The following ZNF468 variants were observed in gnomAD, a reference collection of about 807,000 sequenced individuals.
ZNF468 encodes the protein zinc finger protein 468.
A neutral mutation model predicts 7.2 loss-of-function variants in ZNF468; 8 were observed. That is an observed-to-expected ratio of 1.11 (90% confidence interval 0.65 to 2.01). ZNF468 has a LOEUF of 2.01. ZNF468 is among the 30% of genes most tolerant of loss of function. The pLI, the probability that ZNF468 is intolerant of heterozygous loss-of-function variation, is 0.00. For synonymous variants in ZNF468, 218 were observed against 214.4 expected, an observed-to-expected ratio of 1.02 and a Z score of -0.15; for missense variants, 608 against 626.5, an observed-to-expected ratio of 0.97 and a Z score of 0.31.
chr19:52,848,083 CT>C (rs1289831225), intron 3 of ZNF468, among the ~76,000 whole-genome samples: 1 of 152,194 alleles, frequency 6.6e-6, no homozygotes, highest in African/African-American at 2.4e-5. Context: ...TTAAACTTTC[CT>C]TTTCCCACAG....
rs2063294830 is a variant in ZNF468, at chr19:52,841,169, T to TG, written c.1124_1125insC (p.Arg375SerfsTer12). 6.2e-7 allele frequency: 1 copy of TG among 1,611,516 alleles called. No homozygotes were observed. Among genetic ancestry groups the TG allele is most frequent in the African/African-American group, 1.3e-5 (1 of 74,118 alleles). On this transcript the variant is annotated frameshift_variant, in exon 4 of 4. Transcript: ENST00000595646. LOFTEE classifies it low-confidence loss of function (END_TRUNC). ...TGTAAGGTTTCTCTCCAGTATGAAG[T>TG]CTATGATGGCGTGCAAGGGTTGATA...
chr19:52,840,786 G>T lies in ZNF468; in HGVS notation c.1508C>A (p.Thr503Asn). The change falls in exon 4 of 4, where the codon ACC (threonine) becomes AAC (asparagine). Residue 503 changes from threonine to asparagine, a missense_variant. Thr to Asn is a moderately conservative substitution (Grantham distance 65). Transcript: ENST00000595646. ...TACAAGGGATGACATCTGACTGAAG[G>T]TCTTGCCACACTCATTACACTTGTA... ...KPYKCNECGK[T>N]FSQMSSLVYH... The T allele has an allele frequency of 6.2e-7, 1 of 1,608,804 alleles. No individual in the cohort carries two copies. Among genetic ancestry groups the T allele is most frequent in the Non-Finnish European group, 8.5e-7 (1 of 1,177,750 alleles).
intron 3 of ZNF468, among the ~76,000 whole-genome samples, chr19:52,844,621 C>A (rs1466340954): frequency 2.6e-5 from 4 of 152,104 alleles, no homozygotes; most frequent in African/African-American, 9.7e-5. Context: ...TCACTGCAAC[C>A]TCCACCTCCA....
chr19:52,856,460 T>C (rs61502026), intron 1 of ZNF468, among the ~76,000 whole-genome samples: 44,976 of 105,746 alleles, frequency 0.43, 8,811 homozygotes, highest in Admixed American at 0.51. Context: ...CATAGATTTC[T>C]GCCTCTTCTC....
intron 2 of ZNF468, chr19:52,849,467 C>A (rs2063366819): frequency 1.3e-6 from 1 of 765,810 alleles, no homozygotes. Context: ...AATAAAAAAT[C>A]AATGTAGGGT....
chr19:52,841,526 T>C lies in ZNF468; in HGVS notation c.768A>G (p.Arg256=), dbSNP rs1289163809. Residue 256 remains arginine, a synonymous_variant, in exon 4 of 4, where the codon CGA becomes CGG. Coordinates refer to ENST00000595646, the MANE Select transcript of ZNF468 (RefSeq NM_001008801.2). ...GACATCTACGATGGCAGGCAAGGTATCGCTTCTGATTAAAGACCTTGCCAC... is the reference window on the plus strand; with the variant it reads ...GACATCTACGATGGCAGGCAAGGTACCGCTTCTGATTAAAGACCTTGCCAC... ...DVCGKVFNQK[R]YLACHRRCHT... is the part of the protein sequence containing the mutation. 2.5e-6 allele frequency: 4 copies of C among 1,614,148 alleles called. No homozygotes were observed. The highest frequency in any genetic ancestry group is 3.4e-6 in the Non-Finnish European group (4 of 1,180,022).
chr19:52,842,521 T>A (rs2063312976), intron 3 of ZNF468, among the ~76,000 whole-genome samples: 1 of 151,728 alleles, frequency 6.6e-6, no homozygotes, highest in African/African-American at 2.4e-5. Context: ...GTATTTAGGG[T>A]ATACAAATAA....
Position 52,842,147 on chromosome 19 carries a change from G to C in ZNF468, c.147C>G (p.Ile49Met), listed in dbSNP as rs932793720. 1 of 1,582,300 alleles carries C rather than the reference G, an allele frequency of 6.3e-7. No homozygotes were observed. Among genetic ancestry groups the C allele is most frequent in the African/African-American group, 1.4e-5 (1 of 73,640 alleles). ...ENYRNLVSLDISSKCMLKTLS... is the reference protein window; with the variant it reads ...ENYRNLVSLDMSSKCMLKTLS... The stretch of plus-strand genomic sequence containing the variant: ...ACGTCTTCAACATGCATTTGGAAGA[G>C]ATATCTACAAAATTTAAACACCAAT... Residue 49 changes from isoleucine (I) to methionine (M), a missense_variant, in exon 4 of 4, where the codon ATC (isoleucine) becomes ATG (methionine). Transcript: ENST00000595646.
rs766349454 is a variant in ZNF468, at chr19:52,841,770, G to C, written c.524C>G (p.Ser175Ter). The change falls in exon 4 of 4, where the codon TCA becomes TGA. Residue 175 changes from serine (S) to a stop codon, truncating the protein, a stop_gained. Coordinates refer to ENST00000595646, the MANE Select transcript of ZNF468 (RefSeq NM_001008801.2). LOFTEE classifies it low-confidence loss of function (END_TRUNC). ...CCTACAACAAATTCTTTGGGATGTT[G>C]AAACTGAGGAAGCATTGTTGATAGA... ...EKSINNASSV[S>*]TSQRICCRPK... is the part of the protein sequence containing the mutation. The C allele has an allele frequency of 1.9e-6, 3 of 1,614,058 alleles. No homozygotes were observed. In the Admixed American group the frequency reaches 5.0e-5, roughly 27 times the overall value.
Position 52,841,019 on chromosome 19 carries a change from G to A in ZNF468, c.1275C>T (p.Asn425=). ...ECCKVFSRKS[N]LERHRRIHTG... ...TATGAATCCTCCTGTGTCTTTCCAGGTTTGATTTGCGACTGAAAACTTTGC... is the reference window on the plus strand; with the variant it reads ...TATGAATCCTCCTGTGTCTTTCCAGATTTGATTTGCGACTGAAAACTTTGC... The change falls in exon 4 of 4, where the codon AAC becomes AAT. Residue 425 remains asparagine, a synonymous_variant. Transcript: ENST00000595646. 1 of 1,612,984 alleles carries A rather than the reference G, an allele frequency of 6.2e-7. No homozygotes were observed. Among genetic ancestry groups the A allele is most frequent in the Non-Finnish European group, 8.5e-7 (1 of 1,179,342 alleles).
intron 3 of ZNF468, among the ~76,000 whole-genome samples, chr19:52,848,377 C>T (rs1256165425): frequency 6.6e-6 from 1 of 152,138 alleles, no homozygotes; most frequent in Non-Finnish European, 1.5e-5. Flanking sequence ...GAAGACATTA[C>T]CAAAGGATCT....
chr19:52,855,787 C>A lies in ZNF468; in HGVS notation c.-73-1442G>T, dbSNP rs527799213. ...GAAAAAAAGCCACACCCAGACACCGCCTCTATTTTGCCAATCATTTCAGGG... is the reference window on the plus strand; with the variant it reads ...GAAAAAAAGCCACACCCAGACACCGACTCTATTTTGCCAATCATTTCAGGG... On this transcript the variant is annotated intron_variant, in intron 1 of 3. Coordinates refer to ENST00000595646, the MANE Select transcript of ZNF468 (RefSeq NM_001008801.2). 8.5e-5 allele frequency among the ~76,000 whole-genome samples: 13 copies of A among 152,328 alleles called. No individual in the cohort carries two copies. In the East Asian group the frequency reaches 1.5e-3, roughly 18 times the overall value.
rs1446244459 is a variant in ZNF468 at position 52,841,142 on chromosome 19, T to A, written c.1152A>T (p.Lys384Asn). ...TGAAAACTTTGTCACACTCTTCACA[T>A]TTGTAAGGTTTCTCTCCAGTATGAA... ...HRLHTGEKPY[K>N]CEECDKVFSR... Residue 384 changes from lysine (K) to asparagine (N), a missense_variant, in exon 4 of 4, where the codon AAA becomes AAT. Physicochemically the swap from Lys to Asn is moderately conservative, Grantham distance 94 (BLOSUM62 0). Transcript: ENST00000595646. The A allele has an allele frequency of 6.2e-7, 1 of 1,613,278 alleles. No homozygotes were observed. The highest frequency in any genetic ancestry group is 8.5e-7 in the Non-Finnish European group (1 of 1,179,750).
In ZNF468 at chr19:52,841,799, C is replaced by G. The variant is rs368886195; in HGVS notation, c.495G>C (p.Glu165Asp). 2.5e-6 allele frequency: 4 copies of G among 1,614,062 alleles called. No individual in the cohort carries two copies. Among genetic ancestry groups the G allele is most frequent in the Non-Finnish European group, 2.5e-6 (3 of 1,179,990 alleles). Residue 165 changes from glutamate (E) to aspartate (D), a missense_variant, in exon 4 of 4, where the codon GAG becomes GAC. Physicochemically the swap from Glu to Asp is conservative, Grantham distance 45 (BLOSUM62 2). Transcript: ENST00000595646. ...CTGAGGAAGCATTGTTGATAGACTT[C>G]TCAACTTGATTACCAATTTTCCCTT... ...QSEGKIGNQVEKSINNASSVS... is the reference protein window; with the variant it reads ...QSEGKIGNQVDKSINNASSVS...
intron 1 of ZNF468, among the ~76,000 whole-genome samples, chr19:52,854,571 GA>G (rs1801347123): frequency 6.6e-6 from 1 of 152,088 alleles, no homozygotes; most frequent in Non-Finnish European, 1.5e-5. Context: ...TCCCCTTCAG[GA>G]AATCTCTACC....
intron 2 of ZNF468, among the ~76,000 whole-genome samples, chr19:52,850,271 T>C (rs1282369547): frequency 6.6e-6 from 1 of 152,070 alleles, no homozygotes; most frequent in Non-Finnish European, 1.5e-5. Context: ...AATATGGAAA[T>C]GCCCCATCCT....
At chr19:52,847,431 GAAA>G (rs1428133389) in intron 3 of ZNF468, among the ~76,000 whole-genome samples, 1,726 of 51,614 alleles carry the variant, frequency 0.033, 137 homozygotes, top group African/African-American at 0.22. Context: ...GGCCTCATGG[GAAA>G]GGAAAGACCT....
At chr19:52,856,918 C>G (rs1244697120) in intron 1 of ZNF468, among the ~76,000 whole-genome samples, 1 of 152,126 alleles carries the variant, frequency 6.6e-6, no homozygotes, top group Non-Finnish European at 1.5e-5. Flanking sequence ...TCCCTTTGGC[C>G]CACACGATCA....
chr19:52,841,571 TTTCTC>T lies in ZNF468; in HGVS notation c.718_722del (p.Glu240ThrfsTer3), dbSNP rs1263639946. Reference sequence around the variant, plus strand: ...TGCCACATACATCACATTTACATTGTTTCTCTTCTAAGTGAATTATCTGATGTTTT... The same window carrying T: ...TGCCACATACATCACATTTACATTGTTTCTAAGTGAATTATCTGATGTTTT... On this transcript the variant is annotated frameshift_variant, in exon 4 of 4. Coordinates refer to ENST00000595646, the MANE Select transcript of ZNF468 (RefSeq NM_001008801.2). LOFTEE classifies it low-confidence loss of function (END_TRUNC). 4 of 1,614,024 alleles carry T rather than the reference TTTCTC, an allele frequency of 2.5e-6. No homozygotes were observed. Among genetic ancestry groups the T allele is most frequent in the African/African-American group, 2.7e-5 (2 of 74,936 alleles).
Sources: gnomAD v4.1 joint callset for allele counts (sites outside exome capture counted in the v4.1 genomes callset) on GRCh38, gnomAD v4.1.1 for gene constraint, MANE v1.5 for transcripts, NCBI Gene and HGNC (gene_info 2026-07-23, HGNC 2026-07-21) for gene names.